The following CHIT1 variants were observed in gnomAD, a reference collection of about 807,000 sequenced individuals.
CHIT1 encodes chitotriosidase-1.
A neutral mutation model predicts 52.0 loss-of-function variants in CHIT1; 47 were observed. The ratio of observed to expected loss-of-function variants is 0.90; its 90% CI spans 0.71 to 1.15. The LOEUF (loss-of-function observed/expected upper bound fraction) is 1.15. Ranked by LOEUF, CHIT1 falls within the 50% of genes most tolerant of loss-of-function variation. CHIT1 has a pLI of 0.00. For synonymous variants in CHIT1, 242 were observed against 228.2 expected, an observed-to-expected ratio of 1.06 and a Z score of -0.54; for missense variants, 569 against 583.0, an observed-to-expected ratio of 0.98 and a Z score of 0.25.
chr1:203,223,457 C>T (rs752776241), intron 5 of CHIT1, 38 bp downstream of exon 5: 2 of 1,612,836 alleles, frequency 1.2e-6, no homozygotes, highest in South Asian at 1.1e-5. Context: ...CTCTGGGTCC[C>T]TGCACAGACT....
intron 10 of CHIT1, 89 bp from the exon 11 acceptor site, chr1:203,217,222 C>T: frequency 2.5e-6 from 4 of 1,593,570 alleles, no homozygotes; most frequent in South Asian, 1.1e-5. Context: ...CATTGGCTGG[C>T]AGCAGCCCAG....
intron 1 of CHIT1, among the ~76,000 whole-genome samples, chr1:203,228,801 A>G (rs1657029349): frequency 6.6e-6 from 1 of 152,202 alleles, no homozygotes; most frequent in South Asian, 2.1e-4. Context: ...CCATGGGCTG[A>G]GGCTGCCCCC....
rs770044729 is a variant in CHIT1 at position 203,219,267 on chromosome 1, G to C, written c.978C>G (p.Phe326Leu). 4.4e-6 allele frequency: 7 copies of C among 1,603,484 alleles called. No individual in the cohort carries two copies. Among genetic ancestry groups the C allele is most frequent in the Non-Finnish European group, 6.0e-6 (7 of 1,171,294 alleles). Reference sequence around the variant, plus strand: ...CAAAGCCCACCCACTGGTTGTCCCGGAAGATGTAGGGCACCTTCTGATCCT... The same window carrying C: ...CAAAGCCCACCCACTGGTTGTCCCGCAAGATGTAGGGCACCTTCTGATCCT... ...RIQDQKVPYI[F>L]RDNQWVGFDD... The change falls in exon 9 of 11, where the codon TTC becomes TTG. Residue 326 changes from phenylalanine (F) to leucine (L), a missense_variant. Phe to Leu is a conservative substitution (Grantham distance 22). Coordinates refer to ENST00000367229, the MANE Select transcript of CHIT1 (RefSeq NM_003465.3).
Position 203,217,067 on chromosome 1 carries a change from G to T in CHIT1, c.1223C>A (p.Pro408His), listed in dbSNP as rs1397569041. 2 of 1,613,560 alleles carry T rather than the reference G, an allele frequency of 1.2e-6. No individual in the cohort carries two copies. Among genetic ancestry groups the T allele is most frequent in the Admixed American group, 3.3e-5 (2 of 60,024 alleles). Reference protein sequence around the residue: ...EVPKPGQPSEPEHGPSPGQDT... With the variant: ...EVPKPGQPSEHEHGPSPGQDT... The stretch of plus-strand genomic sequence containing the variant: ...TTGTCCAGGGCTGGGGCCATGCTCA[G>T]GTTCAGAGGGCTGACCTGGTTTTGG... Residue 408 changes from proline (P) to histidine (H), a missense_variant, in exon 11 of 11, where the codon CCT becomes CAT. By Grantham distance (77) the Pro-to-His change is moderately conservative (BLOSUM62 -2). Coordinates refer to ENST00000367229, the MANE Select transcript of CHIT1 (RefSeq NM_003465.3).
chr1:203,225,106 T>C lies in CHIT1; in HGVS notation c.258-2A>G. On this transcript the variant is annotated splice_acceptor_variant, in intron 3 of 10. Transcript: ENST00000367229. LOFTEE classifies it high-confidence loss of function. ...AACAGGGTCTTCAGCTTGGGATTCC[T>C]GGGAAAGACAGGAGACACAGCAGGA... The C allele has an allele frequency of 1.2e-6, 2 of 1,613,742 alleles. No individual in the cohort carries two copies. The highest frequency in any genetic ancestry group is 1.7e-6 in the Non-Finnish European group (2 of 1,179,898).
rs781298672 is a variant in CHIT1 at position 203,223,544 on chromosome 1, C to T, written c.431G>A (p.Ser144Asn). The T allele has an allele frequency of 5.6e-6, 9 of 1,614,212 alleles. No homozygotes were observed. The highest frequency in any genetic ancestry group is 7.6e-6 in the Non-Finnish European group (9 of 1,180,040). The part of the protein sequence containing the change: ...GLDLDWEYPG[S>N]QGSPAVDKER... Reference sequence around the variant, plus strand: ...CTTGTCTACGGCAGGGCTCCCCTGGCTTCCTGGGTACTCCCAGTCAAGGTC... The same window carrying T: ...CTTGTCTACGGCAGGGCTCCCCTGGTTTCCTGGGTACTCCCAGTCAAGGTC... The change falls in exon 5 of 11, where the codon AGC becomes AAC. Residue 144 changes from serine to asparagine, a missense_variant. Ser to Asn is a conservative substitution (Grantham distance 46, BLOSUM62 1). Coordinates refer to ENST00000367229, the MANE Select transcript of CHIT1 (RefSeq NM_003465.3).
At chr1:203,229,874 G>T, upstream of CHIT1, 1 of 596,478 alleles carries the variant, frequency 1.7e-6, no homozygotes, top group South Asian at 1.8e-5. Context: ...GTGACTCTTA[G>T]TGTTGCCAAA....
Position 203,225,123 on chromosome 1 carries a change from A to C in CHIT1, c.258-19T>G. The C allele has an allele frequency of 1.2e-6, 2 of 1,613,526 alleles. No individual in the cohort carries two copies. The highest frequency in any genetic ancestry group is 1.7e-6 in the Non-Finnish European group (2 of 1,179,704). On this transcript the variant is annotated intron_variant, in intron 3 of 10. Coordinates refer to ENST00000367229, the MANE Select transcript of CHIT1 (RefSeq NM_003465.3). ...GGGATTCCTGGGAAAGACAGGAGAC[A>C]CAGCAGGATTTACTCTGCCAGCTCC...
intron 4 of CHIT1, among the ~76,000 whole-genome samples, chr1:203,224,684 C>T (rs946202232): frequency 6.6e-6 from 1 of 152,184 alleles, no homozygotes; most frequent in South Asian, 2.1e-4. Context: ...GGACAAGGTA[C>T]CCCATTTCTG....
rs775890263 is a variant in CHIT1, at chr1:203,216,796, C to A, written c.*93G>T. Reference sequence around the variant, plus strand: ...AAGACCACAGAAAGGCCTGCAGGAGCCAGATTGCGGCCCCCAGGGAAAACC... The same window carrying A: ...AAGACCACAGAAAGGCCTGCAGGAGACAGATTGCGGCCCCCAGGGAAAACC... On this transcript the variant is annotated 3_prime_UTR_variant, in exon 11 of 11. Transcript: ENST00000367229. 1 of 1,549,742 alleles carries A rather than the reference C, an allele frequency of 6.5e-7. No individual in the cohort carries two copies. The highest frequency in any genetic ancestry group is 8.9e-7 in the Non-Finnish European group (1 of 1,125,156).
At chr1:203,217,593 G>T in intron 10 of CHIT1, 146 bp downstream of exon 10, 2 of 1,352,222 alleles carry the variant, frequency 1.5e-6, no homozygotes, top group Non-Finnish European at 2.1e-6. Flanking sequence ...CTTAGCTCCT[G>T]CGGGTACATG....
intron 7 of CHIT1, among the ~76,000 whole-genome samples, chr1:203,221,454 C>G (rs537382460): frequency 6.6e-6 from 1 of 151,876 alleles, no homozygotes; most frequent in Non-Finnish European, 1.5e-5. Flanking sequence ...GGCAATATAG[C>G]AAGACTCCAT....
chr1:203,221,848 A>T (rs1338426634), intron 7 of CHIT1, among the ~76,000 whole-genome samples: 1 of 152,118 alleles, frequency 6.6e-6, no homozygotes, highest in Non-Finnish European at 1.5e-5. Flanking sequence ...CATGGAGCAC[A>T]AGTCTGCCCA....
At chr1:203,228,146 A>G (rs1656993911) in intron 2 of CHIT1, among the ~76,000 whole-genome samples, 1 of 152,202 alleles carries the variant, frequency 6.6e-6, no homozygotes, top group African/African-American at 2.4e-5. Context: ...TAGGTTCCTT[A>G]CCTGCAGCAA....
At chr1:203,229,110 C>G (rs148563595) in intron 1 of CHIT1, among the ~76,000 whole-genome samples, 392 of 152,280 alleles carry the variant, frequency 2.6e-3, no homozygotes, top group Non-Finnish European at 4.0e-3. Context: ...TCTCTTTCAC[C>G]TGGTGACCTT....
At position 203,216,421 on chromosome 1, in the gene CHIT1, C is replaced by T. The variant is rs1656529183; in HGVS notation, c.*468G>A. The T allele has an allele frequency of 2.2e-6, 1 of 454,398 alleles. No individual in the cohort carries two copies. Among genetic ancestry groups the T allele is most frequent in the African/African-American group, 2.0e-5 (1 of 50,022 alleles). The allele number at this position is 454,398 out of a possible 1,614,324, so 28.1% of individuals were successfully genotyped here. A position where few individuals can be genotyped will look rare whatever the true frequency, so the allele number is the denominator to read the frequency against. On this transcript the variant is annotated 3_prime_UTR_variant, in exon 11 of 11. Transcript: ENST00000367229. ...TTGGGAATAACACGTGCGTGAAGGT[C>T]CGCAGAAGCTCCTGTTTCCAGGCTT...
chr1:203,229,666 T>C lies in CHIT1; in HGVS notation c.-30A>G, dbSNP rs780552683. 46 of 1,606,004 alleles carry C rather than the reference T, an allele frequency of 2.9e-5. No individual in the cohort carries two copies. The highest frequency in any genetic ancestry group is 3.8e-5 in the Non-Finnish European group (45 of 1,174,494). The stretch of plus-strand genomic sequence containing the variant: ...CAGCTCAGCGGCAGGCTGCAGCCCA[T>C]ACAAACCAGCTTTCCAGGTCCTGCT... On this transcript the variant is annotated 5_prime_UTR_variant, in exon 1 of 11. An upstream start codon of the reference 5' UTR is lost. Transcript: ENST00000367229.
At chr1:203,222,471 G>T in intron 6 of CHIT1, 146 bp from the exon 7 acceptor site, 1 of 1,219,832 alleles carries the variant, frequency 8.2e-7, no homozygotes, top group Non-Finnish European at 1.2e-6. Context: ...TGGCTCTGCA[G>T]AAGGTGACCC....
intron 4 of CHIT1, 120 bp downstream of exon 4, chr1:203,224,928 C>CTCCCCTT (rs1656868454): frequency 4.4e-6 from 4 of 908,550 alleles, no homozygotes; most frequent in Non-Finnish European, 7.2e-6. Flanking sequence ...TTCAGCTCCC[C>CTCCCCTT]TCCCCTTTCC....
Sources: allele counts gnomAD v4.1 joint callset (sites outside exome capture counted in the v4.1 genomes callset), GRCh38; gene constraint gnomAD v4.1.1; transcripts MANE v1.5; gene names NCBI Gene and HGNC (gene_info 2026-07-23, HGNC 2026-07-21).